GABRA6: variants seen among roughly 807,000 people sequenced by gnomAD.
GABRA6 encodes gamma-aminobutyric acid receptor subunit alpha-6.
Under a neutral mutation model 47.3 loss-of-function variants are expected in GABRA6, and 45 were observed. The ratio of observed to expected loss-of-function variants is 0.95; its 90% CI spans 0.75 to 1.22. GABRA6 has a LOEUF of 1.22. Ranked by LOEUF, GABRA6 falls within the 50% of genes most tolerant of loss-of-function variation. The probability of loss-of-function intolerance (pLI) is 0.00; values close to 1 mark genes in which losing one functional copy is unlikely to be tolerated. For missense variants in GABRA6, 583 were observed against 549.3 expected (o/e 1.06, Z -0.61); for synonymous variants, 219 against 194.7 (o/e 1.12, Z -1.04).
chr5:161,686,841 G>T, intron 2 of GABRA6, 95 bp from the exon 3 acceptor site: 1 of 1,037,332 alleles, frequency 9.6e-7, no homozygotes, highest in Non-Finnish European at 1.5e-6. Context: ...GCAGATACTG[G>T]CTATGATAAG....
chr5:161,693,887 G>A (rs1321627171), intron 8 of GABRA6, among the ~76,000 whole-genome samples: 3 of 152,080 alleles, frequency 2.0e-5, no homozygotes, highest in Non-Finnish European at 2.9e-5. Flanking sequence ...CAGAGACTGA[G>A]GCCACCCTTC....
chr5:161,687,030 G>A (rs911763733), intron 3 of GABRA6, 27 bp downstream of exon 3: 1 of 1,603,284 alleles, frequency 6.2e-7, no homozygotes, highest in African/African-American at 1.3e-5. Flanking sequence ...TGAGTTGGGT[G>A]TTTTCATTTC....
intron 2 of GABRA6, among the ~76,000 whole-genome samples, 200 bp from the exon 3 acceptor site, chr5:161,686,736 T>C (rs1180385280): frequency 1.3e-5 from 2 of 152,170 alleles, no homozygotes; most frequent in Admixed American, 1.3e-4. Flanking sequence ...GTTCTCCCAA[T>C]TGACTAGAAT....
intron 8 of GABRA6, among the ~76,000 whole-genome samples, chr5:161,694,523 A>G (rs1047382934): frequency 6.6e-6 from 1 of 152,072 alleles, no homozygotes; most frequent in Non-Finnish European, 1.5e-5. Context: ...TTTAAGATGG[A>G]ATTTAAGATC....
chr5:161,687,026 G>A (rs1754714524), intron 3 of GABRA6, 23 bp downstream of exon 3: 2 of 1,608,150 alleles, frequency 1.2e-6, no homozygotes, highest in Non-Finnish European at 1.7e-6. Flanking sequence ...TAAGTGAGTT[G>A]GGTGTTTTCA....
At chr5:161,690,843 A>T (rs1055949470) in intron 7 of GABRA6, among the ~76,000 whole-genome samples, 1 of 152,194 alleles carries the variant, frequency 6.6e-6, no homozygotes, top group South Asian at 2.1e-4. Context: ...AAATTAAATA[A>T]TAAGAAAAAG....
intron 8 of GABRA6, among the ~76,000 whole-genome samples, chr5:161,697,625 T>G (rs1052425596): frequency 6.6e-6 from 1 of 152,166 alleles, no homozygotes; most frequent in Non-Finnish European, 1.5e-5. Context: ...AGGTGGCTAA[T>G]GGTATCATGT....
chr5:161,695,399 G>A (rs1754869462), intron 8 of GABRA6, among the ~76,000 whole-genome samples: 1 of 151,784 alleles, frequency 6.6e-6, no homozygotes, highest in South Asian at 2.1e-4. Context: ...TGTCAACAGT[G>A]TTTTTCCCGC....
chr5:161,699,677 T>G (rs1395898747), intron 8 of GABRA6, among the ~76,000 whole-genome samples: 1 of 151,926 alleles, frequency 6.6e-6, no homozygotes, highest in East Asian at 1.9e-4. Flanking sequence ...TTGGCCAGGC[T>G]GGTCTTGAAC....
chr5:161,692,332 G>T, intron 8 of GABRA6, 132 bp downstream of exon 8: 1 of 1,022,832 alleles, frequency 9.8e-7, no homozygotes, highest in Non-Finnish European at 1.5e-6. Flanking sequence ...CAAGAGCAAG[G>T]CCAGTTTCTG....
At position 161,689,617 on chromosome 5, in the gene GABRA6, AT is replaced by A. The variant is rs1265674036; in HGVS notation, c.530-16del. 1 of 1,595,998 alleles carries A rather than the reference AT, an allele frequency of 6.3e-7. No homozygotes were observed. Among genetic ancestry groups the A allele is most frequent in the South Asian group, 1.1e-5 (1 of 90,440 alleles). The stretch of plus-strand genomic sequence containing the variant: ...CTCGTCAAATTCACTGCTATATTTA[AT>A]TTGTTTCAAATATTTAGATGCTTAT... On this transcript the variant is annotated intron_variant, in intron 5 of 8. Coordinates refer to ENST00000274545, the MANE Select transcript of GABRA6 (RefSeq NM_000811.3).
intron 8 of GABRA6, among the ~76,000 whole-genome samples, chr5:161,696,671 T>C (rs543418522): frequency 6.6e-6 from 1 of 152,296 alleles, no homozygotes; most frequent in East Asian, 1.9e-4. Flanking sequence ...CGTGGATCAA[T>C]TATTCAATAT....
At position 161,696,511 on chromosome 5, in the gene GABRA6, T is replaced by C. The variant is rs181752620; in HGVS notation, c.1086+4311T>C. On this transcript the variant is annotated intron_variant, in intron 8 of 8. Transcript: ENST00000274545. ...CACAGTGCCCTTCTTGGTTGTGCCA[T>C]TGTATGATTTATGGGGAAGGCAGGA... Among the ~76,000 whole-genome samples, 365 of 152,194 alleles carry C rather than the reference T, an allele frequency of 2.4e-3. 2 individuals carry two copies. The highest frequency in any genetic ancestry group is 8.1e-3 in the African/African-American group (337 of 41,542).
Position 161,690,332 on chromosome 5 carries a change from G to A in GABRA6, c.805G>A (p.Val269Ile), listed in dbSNP as rs150866100. 2.0e-3 allele frequency: 3,209 copies of A among 1,613,460 alleles called. 10 individuals are homozygous for A. The highest frequency in any genetic ancestry group is 3.5e-3 in the Middle Eastern group (21 of 6,058). Residue 269 changes from valine to isoleucine, a missense_variant, in exon 7 of 9, where the codon GTC becomes ATC. Val to Ile is a conservative substitution (Grantham distance 29, BLOSUM62 3). Transcript: ENST00000274545. Reference protein sequence around the residue: ...QVSFWINKESVPARTVFGITT... With the variant: ...QVSFWINKESIPARTVFGITT... ...GTCTTTCTGGATTAATAAGGAGTCC[G>A]TCCCAGCAAGAACTGTTTTTGGTAT...
At position 161,702,585 on chromosome 5, in the gene GABRA6, T is replaced by C. The variant is rs899024019; in HGVS notation, c.*812T>C. 1.3e-5 allele frequency: 2 copies of C among 152,168 alleles called. No homozygotes were observed. The highest frequency in any genetic ancestry group is 4.8e-5 in the African/African-American group (2 of 41,444). The allele number at this position is 152,168 out of a possible 1,614,324, so 9.4% of individuals were successfully genotyped here. A position where few individuals can be genotyped will look rare whatever the true frequency, so the allele number is the denominator to read the frequency against. On this transcript the variant is annotated 3_prime_UTR_variant, in exon 9 of 9. Transcript: ENST00000274545. ...ATTATAACACTAAATAAAACAACAA[T>C]AAACATGGTTCTCTGGATCTGTCTC...
chr5:161,695,101 A>G (rs1015078834), intron 8 of GABRA6, among the ~76,000 whole-genome samples: 1 of 152,148 alleles, frequency 6.6e-6, no homozygotes, highest in Non-Finnish European at 1.5e-5. Flanking sequence ...AAGTGCTTGG[A>G]TATTTCATGT....
chr5:161,694,680 A>C (rs1277561374), intron 8 of GABRA6, among the ~76,000 whole-genome samples: 2 of 152,096 alleles, frequency 1.3e-5, no homozygotes, highest in Admixed American at 6.6e-5. Flanking sequence ...TTTTCTTGTG[A>C]AAAATTATAT....
chr5:161,694,797 C>A (rs1191444571), intron 8 of GABRA6, among the ~76,000 whole-genome samples: 1 of 152,070 alleles, frequency 6.6e-6, no homozygotes, highest in Non-Finnish European at 1.5e-5. Flanking sequence ...ATGACCAAAT[C>A]AAACAATGTA....
At chr5:161,693,839 CAGA>C (rs1158697065) in intron 8 of GABRA6, among the ~76,000 whole-genome samples, 9 of 151,764 alleles carry the variant, frequency 5.9e-5, no homozygotes, top group African/African-American at 1.5e-4. Context: ...TAATAATAAT[CAGA>C]AGAAGAAGAA....
Sources: gnomAD v4.1 joint callset for allele counts (sites outside exome capture counted in the v4.1 genomes callset) on GRCh38, gnomAD v4.1.1 for gene constraint, MANE v1.5 for transcripts, NCBI Gene and HGNC (gene_info 2026-07-23, HGNC 2026-07-21) for gene names.